SCARA5: variants seen among roughly 807,000 people sequenced by gnomAD.
SCARA5 encodes scavenger receptor class A member 5.
In SCARA5, 45 loss-of-function variants were observed where a neutral mutation model predicts 46.3. The ratio of observed to expected loss-of-function variants is 0.97; its 90% CI spans 0.76 to 1.24. The LOEUF (loss-of-function observed/expected upper bound fraction) is 1.24. Among genes scored for constraint, SCARA5 ranks in the 50% most tolerant of loss-of-function variants. The pLI is 0.00. For synonymous variants in SCARA5, 333 were observed against 306.5 expected, an observed-to-expected ratio of 1.09 and a Z score of -0.90; for missense variants, 680 against 689.0, an observed-to-expected ratio of 0.99 and a Z score of 0.15.
intron 7 of SCARA5, among the ~76,000 whole-genome samples, chr8:27,895,700 T>A (rs1364443357): frequency 6.6e-6 from 1 of 152,176 alleles, no homozygotes; most frequent in African/African-American, 2.4e-5. Context: ...AAGTGCTGTG[T>A]CTCCACTTAG....
chr8:27,923,798 C>T (rs1807638897), intron 3 of SCARA5, among the ~76,000 whole-genome samples: 1 of 152,126 alleles, frequency 6.6e-6, no homozygotes. Context: ...TGGTCTCGAT[C>T]TCTTGACCTC....
At chr8:27,949,246 G>T (rs1416841236) in intron 3 of SCARA5, among the ~76,000 whole-genome samples, 1 of 152,246 alleles carries the variant, frequency 6.6e-6, no homozygotes, top group East Asian at 1.9e-4. Flanking sequence ...AATCACAGGG[G>T]AACAGCAGGG....
At chr8:27,937,546 G>T (rs1016381661) in intron 3 of SCARA5, among the ~76,000 whole-genome samples, 2 of 152,158 alleles carry the variant, frequency 1.3e-5, no homozygotes, top group African/African-American at 4.8e-5. Flanking sequence ...GACTCCTGCT[G>T]CTCAGGACCC....
chr8:27,928,562 G>T (rs1807716964), intron 3 of SCARA5, among the ~76,000 whole-genome samples: 1 of 152,188 alleles, frequency 6.6e-6, no homozygotes. Context: ...TCTGCAGTTT[G>T]GTTCCAGAGT....
intron 3 of SCARA5, among the ~76,000 whole-genome samples, chr8:27,944,762 T>C (rs1056874679): frequency 1.1e-4 from 16 of 150,820 alleles, no homozygotes; most frequent in African/African-American, 3.9e-4. Flanking sequence ...CCCAGATACT[T>C]GGGAGGCTGA....
intron 3 of SCARA5, among the ~76,000 whole-genome samples, chr8:27,923,411 A>C (rs1807631512): frequency 6.6e-6 from 1 of 152,212 alleles, no homozygotes; most frequent in Non-Finnish European, 1.5e-5. Flanking sequence ...TGAAATTATC[A>C]AGCTTTCCAT....
chr8:27,964,308 G>A (rs1050502079), intron 3 of SCARA5, among the ~76,000 whole-genome samples: 36 of 152,212 alleles, frequency 2.4e-4, no homozygotes, highest in African/African-American at 8.2e-4. Flanking sequence ...GATCAGGTAC[G>A]ACATTGTTGC....
chr8:27,941,821 T>TATTATC lies in SCARA5; in HGVS notation c.242-19577_242-19576insGATAAT. On this transcript the variant is annotated intron_variant, in intron 3 of 8. Coordinates refer to ENST00000354914, the MANE Select transcript of SCARA5 (RefSeq NM_173833.6). ...TCATCATTATTATTATTATTATTAT[T>TATTATC]ATTATTATTATTATTATTATTTTGA... Among the ~76,000 whole-genome samples, 2 of 147,652 alleles carry TATTATC rather than the reference T, an allele frequency of 1.4e-5. 1 individual carries two copies. Among genetic ancestry groups the TATTATC allele is most frequent in the South Asian group, 4.3e-4 (2 of 4,700 alleles).
chr8:27,899,646 A>C lies in SCARA5; in HGVS notation c.1153+5132T>G, dbSNP rs144049838. Among the ~76,000 whole-genome samples, 279 of 152,366 alleles carry C rather than the reference A, an allele frequency of 1.8e-3. 2 individuals are homozygous for C. Among genetic ancestry groups the C allele is most frequent in the African/African-American group, 6.2e-3 (259 of 41,592 alleles). ...TCCTAGTGCCCAGAGGCTCAAGCCTAAACTCCTGACCACTGCAATGCCCTT... is the reference window on the plus strand; with the variant it reads ...TCCTAGTGCCCAGAGGCTCAAGCCTCAACTCCTGACCACTGCAATGCCCTT... On this transcript the variant is annotated intron_variant, in intron 7 of 8. Coordinates refer to ENST00000354914, the MANE Select transcript of SCARA5 (RefSeq NM_173833.6).
chr8:27,927,557 TTTATAA>T (rs1188279767), intron 3 of SCARA5, among the ~76,000 whole-genome samples: 2 of 152,192 alleles, frequency 1.3e-5, no homozygotes, highest in African/African-American at 4.8e-5. Flanking sequence ...TATCCTCTGT[TTTATAA>T]TTATGATTTT....
chr8:27,913,885 C>G (rs200947615), intron 4 of SCARA5, among the ~76,000 whole-genome samples: 1 of 152,212 alleles, frequency 6.6e-6, no homozygotes, highest in African/African-American at 2.4e-5. Flanking sequence ...TGCACAAACG[C>G]TCTCCTCATA....
At chr8:27,872,630 G>C (rs1806658084) in intron 8 of SCARA5, among the ~76,000 whole-genome samples, 2 of 152,206 alleles carry the variant, frequency 1.3e-5, no homozygotes, top group African/African-American at 4.8e-5. Flanking sequence ...TTCCTGGCCT[G>C]GATAGCTGTA....
At position 27,871,712 on chromosome 8, in the gene SCARA5, AAGAG is replaced by A. The variant is rs879531820; in HGVS notation, c.*218_*221del. 2.4e-5 allele frequency: 33 copies of A among 1,396,354 alleles called. No homozygotes were observed. The highest frequency in any genetic ancestry group is 3.1e-5 in the Non-Finnish European group (33 of 1,076,202). The allele number at this position is 1,396,354 out of a possible 1,614,324, so 86.5% of individuals were successfully genotyped here. Reference sequence around the variant, plus strand: ...GGCTCCTCATGCAGGAACCTGGTGGAAGAGAGAGACGGGCAGTAGGTCCCAGAGT... The same window carrying A: ...GGCTCCTCATGCAGGAACCTGGTGGAAGAGACGGGCAGTAGGTCCCAGAGT... On this transcript the variant is annotated 3_prime_UTR_variant, in exon 9 of 9. Transcript: ENST00000354914.
chr8:27,965,441 C>T (rs893063973), intron 3 of SCARA5, among the ~76,000 whole-genome samples: 1 of 152,242 alleles, frequency 6.6e-6, no homozygotes, highest in African/African-American at 2.4e-5. Flanking sequence ...GCACCTCCCT[C>T]TATGTGCCTG....
chr8:27,964,433 G>A (rs1023355913), intron 3 of SCARA5, among the ~76,000 whole-genome samples: 3 of 152,144 alleles, frequency 2.0e-5, no homozygotes, highest in Non-Finnish European at 4.4e-5. Flanking sequence ...AACAATTAAG[G>A]AGGTATGGCA....
At chr8:27,986,589 T>G (rs773813332) in intron 2 of SCARA5, among the ~76,000 whole-genome samples, 1 of 152,100 alleles carries the variant, frequency 6.6e-6, no homozygotes, top group African/African-American at 2.4e-5. Flanking sequence ...AGCCCAAATC[T>G]CCTTGTGTCC....
intron 3 of SCARA5, among the ~76,000 whole-genome samples, 163 bp downstream of exon 3, chr8:27,966,251 C>T (rs77465818): frequency 6.6e-5 from 10 of 152,342 alleles, no homozygotes; most frequent in Middle Eastern, 3.4e-3. Flanking sequence ...GCTACTCCCA[C>T]GCAAAACAAG....
chr8:27,910,029 C>T (rs892778286), intron 4 of SCARA5, among the ~76,000 whole-genome samples: 17 of 152,236 alleles, frequency 1.1e-4, no homozygotes, highest in African/African-American at 3.4e-4. Flanking sequence ...CTCCCAAAAC[C>T]ATATGTGGAA....
chr8:27,934,503 G>C (rs1235458680), intron 3 of SCARA5, among the ~76,000 whole-genome samples: 1 of 152,196 alleles, frequency 6.6e-6, no homozygotes, highest in African/African-American at 2.4e-5. Context: ...GAAATTATCA[G>C]GCTTTCCATT....
Sources: allele counts gnomAD v4.1 joint callset (sites outside exome capture counted in the v4.1 genomes callset), GRCh38; gene constraint gnomAD v4.1.1; transcripts MANE v1.5; gene names NCBI Gene and HGNC (gene_info 2026-07-23, HGNC 2026-07-21).